HMGN2: variants seen among roughly 807,000 people sequenced by gnomAD.
The protein encoded by HMGN2 is high mobility group nucleosomal binding domain 2.
Under a neutral mutation model 16.9 loss-of-function variants are expected in HMGN2, and 2 were observed. The ratio of observed to expected loss-of-function variants is 0.12; its 90% CI spans 0.05 to 0.37. The LOEUF (loss-of-function observed/expected upper bound fraction) is 0.37, where lower values mean the gene tolerates loss of function less well. HMGN2 is among the 10% of genes least tolerant of loss of function. The pLI, the probability that HMGN2 is intolerant of heterozygous loss-of-function variation, is 1.00. For missense variants in HMGN2, 90 were observed against 106.0 expected, an observed-to-expected ratio of 0.85 and a Z score of 0.66; for synonymous variants, 31 against 34.9, an observed-to-expected ratio of 0.89 and a Z score of 0.39.
chr1:26,472,459 T>C lies in HMGN2; in HGVS notation c.-154T>C, dbSNP rs2075574735. 1 of 903,676 alleles carries C rather than the reference T, an allele frequency of 1.1e-6. No individual in the cohort carries two copies. Among genetic ancestry groups the C allele is most frequent in the South Asian group, 1.4e-5 (1 of 70,426 alleles). 56.0% of individuals were successfully genotyped at this position (903,676 alleles called of 1,614,324 possible). On this transcript the variant is annotated 5_prime_UTR_variant, in exon 1 of 6. Transcript: ENST00000361427. ...GGAGGTGAAATCCGGTTCTAACCGGTCCGGGGCTCCCAGCGCTATAAAAAC... is the reference window on the plus strand; with the variant it reads ...GGAGGTGAAATCCGGTTCTAACCGGCCCGGGGCTCCCAGCGCTATAAAAAC...
Position 26,474,680 on chromosome 1 carries a change from T to A in HMGN2, c.237+13T>A. The A allele has an allele frequency of 8.0e-7, 1 of 1,249,912 alleles. No individual in the cohort carries two copies. The highest frequency in any genetic ancestry group is 1.2e-6 in the Non-Finnish European group (1 of 851,896). The allele number at this position is 1,249,912 out of a possible 1,614,324, so 77.4% of individuals were successfully genotyped here. A position where few individuals can be genotyped will look rare whatever the true frequency, so the allele number is the denominator to read the frequency against. On this transcript the variant is annotated intron_variant, in intron 5 of 5. Coordinates refer to ENST00000361427, the MANE Select transcript of HMGN2 (RefSeq NM_005517.4). The stretch of plus-strand genomic sequence containing the variant: ...CAAAACAGACCAGGTATAACTGCTG[T>A]TTCACCCTTTGTTAGATTTGTTCAT...
intron 1 of HMGN2, chr1:26,473,121 G>T (rs1391815339): frequency 7.4e-6 from 2 of 269,672 alleles, no homozygotes; most frequent in Non-Finnish European, 7.0e-6. Context: ...CCGCCCACGA[G>T]TTCCCCGGGC....
At chr1:26,472,815 G>A (rs996062089) in intron 1 of HMGN2, among the ~76,000 whole-genome samples, 188 bp downstream of exon 1, 3 of 151,364 alleles carry the variant, frequency 2.0e-5, no homozygotes, top group African/African-American at 7.3e-5. Flanking sequence ...GGGCGCCAGA[G>A]GCCATATTGG....
rs1398404812 is a variant in HMGN2 at position 26,476,567 on chromosome 1, T to A, written c.*1419T>A. ...TTAGAATATGGAACTGGTAACAAAT[T>A]CATGTTTGCACCTTGAATTTGCTTT... On this transcript the variant is annotated 3_prime_UTR_variant, in exon 6 of 6. Coordinates refer to ENST00000361427, the MANE Select transcript of HMGN2 (RefSeq NM_005517.4). Among the ~76,000 whole-genome samples the A allele has an allele frequency of 1.3e-5, 2 of 152,204 alleles. No homozygotes were observed. Among genetic ancestry groups the A allele is most frequent in the Admixed American group, 6.5e-5 (1 of 15,276 alleles).
In HMGN2 at chr1:26,472,572, GCGTCCAGCACCTA is replaced by G. The variant is rs1452198700; in HGVS notation, c.-35_-23del. ...CAAAGCCCGCGCGCCGCTGCATCCCGCGTCCAGCACCTACGTCCCGCTGCCGTCGCCGCCGCCA... is the reference window on the plus strand; with the variant it reads ...CAAAGCCCGCGCGCCGCTGCATCCCGCGTCCCGCTGCCGTCGCCGCCGCCA... On this transcript the variant is annotated 5_prime_UTR_variant, in exon 1 of 6. Transcript: ENST00000361427. 1.3e-6 allele frequency: 2 copies of G among 1,535,460 alleles called. No homozygotes were observed. Among genetic ancestry groups the G allele is most frequent in the Admixed American group, 3.9e-5 (2 of 51,346 alleles).
chr1:26,474,183 C>T (rs777078005), intron 4 of HMGN2, 48 bp downstream of exon 4: 10 of 1,367,626 alleles, frequency 7.3e-6, no homozygotes, highest in South Asian at 2.5e-5. Flanking sequence ...TGAGGACTGT[C>T]CTTAGTGCCT....
rs1300893125 is a variant in HMGN2 at position 26,472,577 on chromosome 1, C to T, written c.-36C>T. ...CCCGCGCGCCGCTGCATCCCGCGTC[C>T]AGCACCTACGTCCCGCTGCCGTCGC... On this transcript the variant is annotated 5_prime_UTR_variant, in exon 1 of 6. Coordinates refer to ENST00000361427, the MANE Select transcript of HMGN2 (RefSeq NM_005517.4). 9.8e-6 allele frequency: 15 copies of T among 1,536,052 alleles called. No homozygotes were observed. The highest frequency in any genetic ancestry group is 1.9e-5 in the Admixed American group (1 of 51,362).
rs940339691 is a variant in HMGN2, at chr1:26,474,904, G to A, written c.238-209G>A. The A allele has an allele frequency of 6.6e-6, 4 of 608,354 alleles. No individual in the cohort carries two copies. In the African/African-American group the frequency reaches 7.4e-5, roughly 11 times the overall value. The allele number at this position is 608,354 out of a possible 1,614,324, so 37.7% of individuals were successfully genotyped here. A position where few individuals can be genotyped will look rare whatever the true frequency, so the allele number is the denominator to read the frequency against. ...GGAGTAACCTCAGGTCTCTTATTCT[G>A]GTGTTCTTCCTACCTCAATTTTACA... On this transcript the variant is annotated intron_variant, in intron 5 of 5. Coordinates refer to ENST00000361427, the MANE Select transcript of HMGN2 (RefSeq NM_005517.4).
chr1:26,473,780 ACAT>A (rs1269167315), intron 3 of HMGN2, 48 bp downstream of exon 3: 1 of 1,545,548 alleles, frequency 6.5e-7, no homozygotes, highest in African/African-American at 1.4e-5. Flanking sequence ...AAACTAAAAA[ACAT>A]CAAAAAACAA....
intron 3 of HMGN2, 85 bp from the exon 4 acceptor site, chr1:26,474,000 C>G (rs1248483920): frequency 2.6e-6 from 3 of 1,149,418 alleles, no homozygotes; most frequent in Non-Finnish European, 2.5e-6. Flanking sequence ...CTTCTCTACC[C>G]TTGGTACTTT....
intron 4 of HMGN2, 105 bp from the exon 5 acceptor site, chr1:26,474,467 G>C: frequency 1.5e-6 from 1 of 672,018 alleles, no homozygotes; most frequent in Non-Finnish European, 2.7e-6. Context: ...GTGAGGGTTT[G>C]TGTTTTATCT....
At chr1:26,473,946 C>A (rs2075592122) in intron 3 of HMGN2, 139 bp from the exon 4 acceptor site, 2 of 818,064 alleles carry the variant, frequency 2.4e-6, no homozygotes, top group Non-Finnish European at 3.9e-6. Flanking sequence ...ATCCAACATT[C>A]TAGAAGAAAG....
In HMGN2 at chr1:26,476,509, G is replaced by C. The variant is rs1453906348; in HGVS notation, c.*1361G>C. 2.0e-5 allele frequency among the ~76,000 whole-genome samples: 3 copies of C among 152,108 alleles called. No individual in the cohort carries two copies. The highest frequency in any genetic ancestry group is 7.2e-5 in the African/African-American group (3 of 41,410). On this transcript the variant is annotated 3_prime_UTR_variant, in exon 6 of 6. Coordinates refer to ENST00000361427, the MANE Select transcript of HMGN2 (RefSeq NM_005517.4). Reference sequence around the variant, plus strand: ...AGTTTGGAGATGCAGAGAACCCCACGTTTCTCTAAGTGAAATGGCAAGAAG... The same window carrying C: ...AGTTTGGAGATGCAGAGAACCCCACCTTTCTCTAAGTGAAATGGCAAGAAG...
intron 4 of HMGN2, 81 bp downstream of exon 4, chr1:26,474,216 C>A: frequency 2.0e-6 from 2 of 1,012,878 alleles, no homozygotes; most frequent in Non-Finnish European, 3.0e-6. Flanking sequence ...CATAATGGTG[C>A]CTCCATTAAT....
Position 26,475,281 on chromosome 1 carries a change from C to T in HMGN2, c.*133C>T, listed in dbSNP as rs879824896. On this transcript the variant is annotated 3_prime_UTR_variant, in exon 6 of 6. Transcript: ENST00000361427. ...TTTTTTAAAAGCTATGTTGTTAGCA[C>T]ACAGAACACTTCATTGTTGTTTTTG... 1.9e-5 allele frequency: 11 copies of T among 585,544 alleles called. No homozygotes were observed. The highest frequency in any genetic ancestry group is 1.7e-4 in the Admixed American group (6 of 34,346). 36.3% of individuals were successfully genotyped at this position (585,544 alleles called of 1,614,324 possible).
chr1:26,472,781 A>G (rs2075579644), intron 1 of HMGN2, among the ~76,000 whole-genome samples, 154 bp downstream of exon 1: 1 of 151,038 alleles, frequency 6.6e-6, no homozygotes, highest in Non-Finnish European at 1.5e-5. Flanking sequence ...CTCGGGGCTA[A>G]CCCTGAGCGG....
chr1:26,473,668 T>C, intron 2 of HMGN2, 35 bp from the exon 3 acceptor site: 1 of 1,611,662 alleles, frequency 6.2e-7, no homozygotes, highest in South Asian at 1.1e-5. Flanking sequence ...GCGACTTACC[T>C]GTCCTATTTC....
chr1:26,473,862 C>T (rs1290286013), intron 3 of HMGN2, 130 bp downstream of exon 3: 5 of 993,396 alleles, frequency 5.0e-6, no homozygotes, highest in South Asian at 1.4e-5. Flanking sequence ...GGGACTCTTG[C>T]CCCTTTGGGT....
At chr1:26,472,783 C>T (rs2075579684) in intron 1 of HMGN2, among the ~76,000 whole-genome samples, 156 bp downstream of exon 1, 1 of 151,632 alleles carries the variant, frequency 6.6e-6, no homozygotes, top group African/African-American at 2.4e-5. Context: ...CGGGGCTAAC[C>T]CTGAGCGGCT....
Sources: allele counts gnomAD v4.1 joint callset (sites outside exome capture counted in the v4.1 genomes callset), GRCh38; gene constraint gnomAD v4.1.1; transcripts MANE v1.5; gene names NCBI Gene and HGNC (gene_info 2026-07-23, HGNC 2026-07-21).